The following FUT8 variants were observed in gnomAD, a reference collection of about 807,000 sequenced individuals.
FUT8 encodes fucosyltransferase 8.
FUT8 carries 29 observed loss-of-function variants against 71.3 expected under a neutral mutation model. The observed-to-expected ratio is 0.41, with a 90% CI of 0.30 to 0.55. The LOEUF (loss-of-function observed/expected upper bound fraction) is 0.55, where lower values mean the gene tolerates loss of function less well. FUT8 is among the 20% of genes least tolerant of loss of function. FUT8 has a pLI of 0.34. For missense variants in FUT8, 544 were observed against 702.1 expected, an observed-to-expected ratio of 0.77 and a Z score of 2.55; for synonymous variants, 254 against 239.3, an observed-to-expected ratio of 1.06 and a Z score of -0.57.
intron 6 of FUT8, among the ~76,000 whole-genome samples, chr14:65,644,941 A>G (rs745830103): frequency 1.5e-4 from 23 of 152,196 alleles, no homozygotes; most frequent in Admixed American, 2.0e-4. Context: ...CTTCACTACT[A>G]TGTTTGGGGG....
At chr14:65,493,227 GAAGATACTTTTTACAGAATCCCAGACTT>G (rs1185513161) in intron 2 of FUT8, among the ~76,000 whole-genome samples, 1 of 152,128 alleles carries the variant, frequency 6.6e-6, no homozygotes, top group Non-Finnish European at 1.5e-5. Context: ...AGTCATCTGT[GAAGATACTTTTTACAGAATCCCAGACTT>G]AGCTTGACGG....
intron 7 of FUT8, among the ~76,000 whole-genome samples, chr14:65,699,513 A>G (rs7144234): frequency 0.06 from 9,208 of 152,250 alleles, 328 homozygotes; most frequent in Admixed American, 0.11. Flanking sequence ...AGGTGAGACT[A>G]AGCTGTAAAA....
chr14:65,470,654 C>T (rs1451602992), intron 2 of FUT8, among the ~76,000 whole-genome samples: 1 of 152,102 alleles, frequency 6.6e-6, no homozygotes, highest in Non-Finnish European at 1.5e-5. Flanking sequence ...TCAGCAGTCG[C>T]CTGATGTGGG....
intron 2 of FUT8, among the ~76,000 whole-genome samples, chr14:65,509,444 ATC>A: frequency 6.6e-6 from 1 of 151,972 alleles, no homozygotes; most frequent in South Asian, 2.1e-4. Context: ...TTTTTTTTAT[ATC>A]TCTGTTAAGA....
chr14:65,503,936 A>C (rs2066685701), intron 2 of FUT8, among the ~76,000 whole-genome samples: 1 of 152,244 alleles, frequency 6.6e-6, no homozygotes, highest in South Asian at 2.1e-4. Context: ...AAATGTTCAT[A>C]TTTGAATATT....
intron 5 of FUT8, among the ~76,000 whole-genome samples, chr14:65,621,233 T>C (rs1889588777): frequency 1.3e-5 from 2 of 152,106 alleles, no homozygotes; most frequent in Non-Finnish European, 2.9e-5. Flanking sequence ...AAGGTATGCA[T>C]TATTTGTTCC....
At chr14:65,710,597 T>A (rs968563349) in intron 7 of FUT8, among the ~76,000 whole-genome samples, 4 of 152,212 alleles carry the variant, frequency 2.6e-5, no homozygotes, top group African/African-American at 7.2e-5. Flanking sequence ...GATTTTTTTT[T>A]AATCTATTTT....
At chr14:65,471,719 C>G (rs1007043301) in intron 2 of FUT8, among the ~76,000 whole-genome samples, 4 of 151,768 alleles carry the variant, frequency 2.6e-5, no homozygotes, top group Admixed American at 2.0e-4. Context: ...TCTGATGGCT[C>G]TAAGAAGAGT....
chr14:65,471,026 T>A (rs2066136493), intron 2 of FUT8: 1 of 443,254 alleles, frequency 2.3e-6, no homozygotes, highest in Non-Finnish European at 4.5e-6. Context: ...TAAAGAATCC[T>A]TAAATGGGGT....
chr14:65,736,570 T>G (rs1896228037), intron 10 of FUT8, among the ~76,000 whole-genome samples: 1 of 152,022 alleles, frequency 6.6e-6, no homozygotes, highest in Non-Finnish European at 1.5e-5. Flanking sequence ...TGATGCGATT[T>G]TTCAGAAACA....
Position 65,736,719 on chromosome 14 carries a change from A to G in FUT8, c.1410+3338A>G, listed in dbSNP as rs78141615. Among the ~76,000 whole-genome samples the G allele has an allele frequency of 5.7e-3, 861 of 152,152 alleles. 27 individuals are homozygous for G. In the East Asian group the frequency reaches 0.091, roughly 16 times the overall value. On this transcript the variant is annotated intron_variant, in intron 10 of 10. Transcript: ENST00000673929. ...TAGAAAATGGAGGAAGACTAAAGCC[A>G]TACATCCAGAAGAGTGACAGAAGAT...
intron 2 of FUT8, among the ~76,000 whole-genome samples, chr14:65,537,665 G>A (rs190885854): frequency 8.7e-4 from 132 of 152,160 alleles, no homozygotes; most frequent in Non-Finnish European, 2.9e-5. Context: ...GGAATTACAG[G>A]CATGAGCCAC....
chr14:65,620,978 G>C (rs920324098), intron 5 of FUT8, among the ~76,000 whole-genome samples: 3 of 152,092 alleles, frequency 2.0e-5, no homozygotes, highest in Non-Finnish European at 4.4e-5. Context: ...GCCTGTAATG[G>C]AACAGTGTCT....
chr14:65,664,673 T>A (rs80116632), intron 6 of FUT8, among the ~76,000 whole-genome samples: 5,219 of 152,216 alleles, frequency 0.034, 144 homozygotes, highest in Admixed American at 0.065. Context: ...TTTTATAGAC[T>A]GCAGCTTTTG....
chr14:65,367,568 C>T, the FUT8 span, among the ~76,000 whole-genome samples: 2 of 152,186 alleles, frequency 1.3e-5, no homozygotes, highest in African/African-American at 4.8e-5. Context: ...AATAAAGTAA[C>T]CCAAATAAAT....
chr14:65,417,913 T>G (rs2065241629), intron 1 of FUT8, among the ~76,000 whole-genome samples: 1 of 152,212 alleles, frequency 6.6e-6, no homozygotes, highest in Non-Finnish European at 1.5e-5. Flanking sequence ...TTAAAATTTA[T>G]TTTTCCATAA....
intron 2 of FUT8, among the ~76,000 whole-genome samples, chr14:65,492,569 G>A (rs1037788464): frequency 1.3e-5 from 2 of 152,070 alleles, no homozygotes; most frequent in South Asian, 2.1e-4. Flanking sequence ...GAGTCTCAGC[G>A]CCTACTCTGG....
the FUT8 span, among the ~76,000 whole-genome samples, chr14:65,389,975 T>C: frequency 6.6e-6 from 1 of 150,918 alleles, no homozygotes; most frequent in Admixed American, 6.6e-5. Context: ...ACCCCGTCTC[T>C]ACTAAAAATA....
chr14:65,612,620 T>A (rs1889058624), intron 3 of FUT8, among the ~76,000 whole-genome samples: 1 of 152,244 alleles, frequency 6.6e-6, no homozygotes, highest in Non-Finnish European at 1.5e-5. Context: ...CTTTTTAGAC[T>A]CTTAGCTCCA....
Sources: gnomAD v4.1 joint callset for allele counts (sites outside exome capture counted in the v4.1 genomes callset) on GRCh38, gnomAD v4.1.1 for gene constraint, MANE v1.5 for transcripts, NCBI Gene and HGNC (gene_info 2026-07-23, HGNC 2026-07-21) for gene names.